The following PARVB variants were observed in gnomAD, a reference collection of about 807,000 sequenced individuals.
PARVB encodes the protein parvin beta, also known as beta-parvin.
In PARVB, 46 loss-of-function variants were observed where a neutral mutation model predicts 47.0. That is an observed-to-expected ratio of 0.98 (90% CI 0.77 to 1.25). The LOEUF is 1.25. Among genes scored for constraint, PARVB ranks in the 50% most tolerant of loss-of-function variants. The pLI is 0.00. For missense variants in PARVB, 473 were observed against 471.6 expected, an observed-to-expected ratio of 1.00 and a Z score of -0.03; for synonymous variants, 196 against 196.3, an observed-to-expected ratio of 1.00 and a Z score of 0.01.
At chr22:44,157,861 C>T in intron 10 of PARVB, 121 bp from the exon 11 acceptor site, 1 of 679,270 alleles carries the variant, frequency 1.5e-6, no homozygotes, top group South Asian at 1.7e-5. Flanking sequence ...TCAGTGCACT[C>T]CAGCCTGGGT....
chr22:44,006,638 GAAA>G (rs781665756), intron 2 of PARVB, among the ~76,000 whole-genome samples: 1 of 152,238 alleles, frequency 6.6e-6, no homozygotes, highest in African/African-American at 2.4e-5. Flanking sequence ...AAGAAAAAAA[GAAA>G]AAGAAATGCA....
rs1477477867 is a variant in PARVB at position 44,069,066 on chromosome 22, A to T, written c.113-24862A>T. The T allele has an allele frequency of 1.9e-6, 3 of 1,581,236 alleles. No homozygotes were observed. The African/African-American group carries it at 4.1e-5, about 21-fold the overall frequency. ...TGCAAGTCATAGTGGCGCCCCTGCCACGTCCCTATATGAACGGGGTGTGTG... is the reference window on the plus strand; with the variant it reads ...TGCAAGTCATAGTGGCGCCCCTGCCTCGTCCCTATATGAACGGGGTGTGTG... On this transcript the variant is annotated intron_variant, in intron 1 of 12. Transcript: ENST00000338758.
intron 4 of PARVB, among the ~76,000 whole-genome samples, chr22:44,122,068 A>G (rs1429816763): frequency 6.6e-6 from 1 of 152,226 alleles, no homozygotes; most frequent in Non-Finnish European, 1.5e-5. Flanking sequence ...TAATGTATAA[A>G]TAAATTAATT....
chr22:44,117,537 G>C (rs1569129918), intron 3 of PARVB, among the ~76,000 whole-genome samples: 1 of 152,200 alleles, frequency 6.6e-6, no homozygotes, highest in Non-Finnish European at 1.5e-5. Flanking sequence ...CTGACCTTCA[G>C]AGGTGGCATT....
chr22:44,148,041 A>T (rs2053725284), intron 9 of PARVB, 119 bp downstream of exon 9: 1 of 793,794 alleles, frequency 1.3e-6, no homozygotes, highest in Non-Finnish European at 2.1e-6. Context: ...TGTTTGCCAC[A>T]TGGATTGAAA....
chr22:44,160,175 C>T (rs971122757), intron 11 of PARVB, among the ~76,000 whole-genome samples: 2 of 152,312 alleles, frequency 1.3e-5, no homozygotes, highest in African/African-American at 2.4e-5. Flanking sequence ...ACCTTGCACC[C>T]ATTGGTCATC....
rs142052466 is a variant in PARVB at position 44,082,248 on chromosome 22, G to A, written c.113-11680G>A. Among the ~76,000 whole-genome samples the A allele has an allele frequency of 8.0e-3, 1,217 of 152,342 alleles. 16 individuals are homozygous for A. Among genetic ancestry groups the A allele is most frequent in the African/African-American group, 0.027 (1,140 of 41,566 alleles). ...GAATTAAAGAAGTTGGCCAGGTGCG[G>A]TGGTTCGTGCCTGTAATCCCAGCAC... is the stretch of plus-strand genomic sequence containing the variant. On this transcript the variant is annotated intron_variant, in intron 1 of 12. Coordinates refer to ENST00000338758, the MANE Select transcript of PARVB (RefSeq NM_013327.5).
At chr22:44,159,873 A>C (rs866669915) in intron 11 of PARVB, among the ~76,000 whole-genome samples, 2 of 152,140 alleles carry the variant, frequency 1.3e-5, no homozygotes, top group Non-Finnish European at 2.9e-5. Flanking sequence ...TGAGACCCCG[A>C]GGTGCGTTTG....
chr22:44,131,102 CTCCTTCCT>C (rs1261311572), intron 4 of PARVB, among the ~76,000 whole-genome samples: 2 of 119,426 alleles, frequency 1.7e-5, no homozygotes, highest in Non-Finnish European at 1.7e-5. Context: ...CTCTCTCTCT[CTCCTTCCT>C]TCCTTCCTTC....
At position 44,063,979 on chromosome 22, in the gene PARVB, A is replaced by T. The variant is rs531572274; in HGVS notation, c.113-29949A>T. Among the ~76,000 whole-genome samples, 33 of 152,048 alleles carry T rather than the reference A, an allele frequency of 2.2e-4. 1 individual carries two copies. In the East Asian group the frequency reaches 6.2e-3, roughly 29 times the overall value. ...GATGGGGTGCGGTGCGGCCTTTGAT[A>T]CCAGAGGCCTGGGATCGCTTTCCTC... On this transcript the variant is annotated intron_variant, in intron 1 of 12. Transcript: ENST00000338758.
intron 1 of PARVB, among the ~76,000 whole-genome samples, chr22:44,082,262 T>C (rs1338807032): frequency 6.6e-6 from 1 of 152,142 alleles, no homozygotes; most frequent in Admixed American, 6.5e-5. Flanking sequence ...TTCGTGCCTG[T>C]AATCCCAGCA....
intron 3 of PARVB, 39 bp downstream of exon 3, chr22:44,100,162 G>C (rs749798202): frequency 1.3e-6 from 2 of 1,532,204 alleles, no homozygotes; most frequent in East Asian, 2.2e-5. Context: ...TCCTCTTAGG[G>C]CGAGGACTTG....
chr22:44,170,124 C>G lies in PARVB; in HGVS notation c.*1446C>G, dbSNP rs1281966025. 2 of 140,534 alleles carry G rather than the reference C, an allele frequency of 1.4e-5. 1 individual carries two copies. The highest frequency in any genetic ancestry group is 6.6e-5 in the African/African-American group (2 of 30,522). 8.7% of individuals were successfully genotyped at this position (140,534 alleles called of 1,614,324 possible). A position where few individuals can be genotyped will look rare whatever the true frequency, so the allele number is the denominator to read the frequency against. On this transcript the variant is annotated 3_prime_UTR_variant, in exon 13 of 13. Coordinates refer to ENST00000338758, the MANE Select transcript of PARVB (RefSeq NM_013327.5). ...CAATTGATCCTCCCACCTCAGCCTC[C>G]CAAGTAGCGGGGACCACAAGTGCAC...
chr22:43,999,842 A>AC lies in PARVB; in HGVS notation c.211+169_211+170insC, dbSNP rs1227371035. 1.7e-3 allele frequency among the ~76,000 whole-genome samples: 231 copies of AC among 137,716 alleles called. 1 individual carries two copies. The highest frequency in any genetic ancestry group is 5.2e-3 in the South Asian group (23 of 4,418). 90.3% of individuals were successfully genotyped at this position (137,716 alleles called of 152,430 possible). The stretch of plus-strand genomic sequence containing the variant: ...TGAAAACCCATCTATATGAAAAAAA[A>AC]AAAAAAAAAAAAAAAACAGCTGGGT... On this transcript the variant is annotated intron_variant, in intron 2 of 13. Coordinates refer to the PARVB transcript ENST00000406477.
chr22:44,115,613 C>T lies in PARVB; in HGVS notation c.274-3425C>T, dbSNP rs1278333483. On this transcript the variant is annotated intron_variant, in intron 3 of 12. Transcript: ENST00000338758. Reference sequence around the variant, plus strand: ...TACATTGTTATTAACTAAGGCCCTGCACCAACACAGATACATTGTTACTAA... The same window carrying T: ...TACATTGTTATTAACTAAGGCCCTGTACCAACACAGATACATTGTTACTAA... The T allele has an allele frequency of 2.7e-5, 2 of 74,678 alleles. 1 individual carries two copies. Among genetic ancestry groups the T allele is most frequent in the Non-Finnish European group, 5.0e-5 (2 of 40,352 alleles). 4.6% of individuals were successfully genotyped at this position (74,678 alleles called of 1,614,324 possible). A position where few individuals can be genotyped will look rare whatever the true frequency, so the allele number is the denominator to read the frequency against.
At chr22:44,086,873 C>G in intron 1 of PARVB, 1 of 970,248 alleles carries the variant, frequency 1.0e-6, no homozygotes, top group Non-Finnish European at 1.2e-6. Flanking sequence ...CTGGCAGAGG[C>G]CTGGAAAACC....
chr22:44,157,557 G>A (rs2053962226), intron 10 of PARVB, among the ~76,000 whole-genome samples: 1 of 152,138 alleles, frequency 6.6e-6, no homozygotes, highest in African/African-American at 2.4e-5. Flanking sequence ...CCTGCCTAAA[G>A]TGAGAGGAGG....
intron 1 of PARVB, among the ~76,000 whole-genome samples, chr22:44,050,305 C>G (rs2051184673): frequency 6.6e-6 from 1 of 151,622 alleles, no homozygotes; most frequent in Non-Finnish European, 1.5e-5. Flanking sequence ...CCTTCTTAAA[C>G]TGTTAGTAAA....
intron 2 of PARVB, among the ~76,000 whole-genome samples, chr22:44,094,954 T>A (rs549220014): frequency 6.6e-6 from 1 of 150,742 alleles, no homozygotes; most frequent in East Asian, 2.0e-4. Flanking sequence ...TGGCGTGGCG[T>A]GGTATGGTGT....
Sources: allele counts gnomAD v4.1 joint callset (sites outside exome capture counted in the v4.1 genomes callset), GRCh38; gene constraint gnomAD v4.1.1; transcripts MANE v1.5; gene names NCBI Gene and HGNC (gene_info 2026-07-23, HGNC 2026-07-21).